CDKL1: variants seen among roughly 807,000 people sequenced by gnomAD.
CDKL1 encodes the protein cyclin dependent kinase like 1.
A neutral mutation model predicts 42.0 loss-of-function variants in CDKL1; 41 were observed. The ratio of observed to expected loss-of-function variants is 0.98; its 90% confidence interval spans 0.76 to 1.27. CDKL1 has a LOEUF of 1.27. CDKL1 is among the 50% of genes most tolerant of loss of function. CDKL1 has a pLI of 0.00. For synonymous variants in CDKL1, 153 were observed against 158.6 expected (o/e 0.96, Z 0.26); for missense variants, 394 against 428.4 (o/e 0.92, Z 0.71).
At chr14:50,373,858 A>G (rs1306294306) in intron 2 of CDKL1, among the ~76,000 whole-genome samples, 4 of 152,200 alleles carry the variant, frequency 2.6e-5, no homozygotes, top group Non-Finnish European at 4.4e-5. Context: ...ACTTTGGAAA[A>G]CAGTTTGGCA....
chr14:50,368,747 C>G (rs901075823), intron 2 of CDKL1, among the ~76,000 whole-genome samples: 3 of 152,138 alleles, frequency 2.0e-5, no homozygotes, highest in African/African-American at 7.2e-5. Flanking sequence ...TGTCGTCAGC[C>G]CTCTGTCTTC....
chr14:50,365,461 A>G (rs1217033309), intron 2 of CDKL1, among the ~76,000 whole-genome samples: 1 of 152,202 alleles, frequency 6.6e-6, no homozygotes, highest in Non-Finnish European at 1.5e-5. Context: ...ATGAGGGGTT[A>G]TAAATATTAA....
chr14:50,380,802 C>CTTTTTTTTTTTTT (rs1555344287), intron 2 of CDKL1, among the ~76,000 whole-genome samples: 1 of 134,604 alleles, frequency 7.4e-6, no homozygotes, highest in African/African-American at 2.7e-5. Context: ...CTGTGACTTC[C>CTTTTTTTTTTTTT]TTTTTTTTTT....
At chr14:50,366,150 A>C (rs911512650) in intron 2 of CDKL1, among the ~76,000 whole-genome samples, 3 of 152,120 alleles carry the variant, frequency 2.0e-5, no homozygotes, top group Non-Finnish European at 4.4e-5. Flanking sequence ...TAATATAAGC[A>C]CCTACTCTGC....
intron 5 of CDKL1, among the ~76,000 whole-genome samples, chr14:50,341,441 T>C (rs999968580): frequency 9.7e-6 from 1 of 103,492 alleles, no homozygotes; most frequent in Non-Finnish European, 1.8e-5. Context: ...TAAAACAGAA[T>C]CCCTGGGGAG....
At position 50,341,469 on chromosome 14, in the gene CDKL1, G is replaced by T. The variant is rs1468643656; in HGVS notation, c.455-237C>A. On this transcript the variant is annotated intron_variant, in intron 5 of 9. Transcript: ENST00000395834. ...CTGGGGAGGGTCTGGGGGGGGGGGGGGGGTTATTTGGCTTAGAATTTAAAG... is the reference window on the plus strand; with the variant it reads ...CTGGGGAGGGTCTGGGGGGGGGGGGTGGGTTATTTGGCTTAGAATTTAAAG... Among the ~76,000 whole-genome samples, 25 of 133,444 alleles carry T rather than the reference G, an allele frequency of 1.9e-4. No homozygotes were observed. In the South Asian group the frequency reaches 3.9e-3, roughly 21 times the overall value. 87.5% of individuals were successfully genotyped at this position (133,444 alleles called of 152,430 possible).
chr14:50,358,172 C>G (rs761371888), intron 3 of CDKL1: 1 of 1,295,680 alleles, frequency 7.7e-7, no homozygotes, highest in Non-Finnish European at 1.0e-6. Flanking sequence ...GTAAGATCAG[C>G]GGAGCCCCCG....
chr14:50,391,682 C>T (rs1396860429), intron 2 of CDKL1, among the ~76,000 whole-genome samples: 1 of 152,138 alleles, frequency 6.6e-6, no homozygotes, highest in African/African-American at 2.4e-5. Flanking sequence ...CATGCCTGGC[C>T]TAAATTGTCT....
chr14:50,332,382 C>G lies in CDKL1; in HGVS notation c.846G>C (p.Leu282Phe), dbSNP rs374375430. Residue 282 changes from leucine to phenylalanine, a missense_variant, in exon 9 of 10, where the codon TTG (leucine) becomes TTC (phenylalanine). By Grantham distance (22) the Leu-to-Phe change is conservative. Coordinates refer to ENST00000395834, the MANE Select transcript of CDKL1 (RefSeq NM_004196.7). ...TGATGTTTTCAAAATATGGGTGATG[C>G]AACAGCTGTTCACATGTCAGCCTTT... is the stretch of plus-strand genomic sequence containing the variant. ...PTQRLTCEQLLHHPYFENIRE... is the reference protein window; with the variant it reads ...PTQRLTCEQLFHHPYFENIRE... The G allele has an allele frequency of 3.7e-6, 6 of 1,614,174 alleles. No homozygotes were observed. The highest frequency in any genetic ancestry group is 2.7e-5 in the African/African-American group (2 of 75,050).
Position 50,395,689 on chromosome 14 carries a change from T to G in CDKL1, c.168+12A>C. The G allele has an allele frequency of 6.4e-7, 1 of 1,572,926 alleles. No individual in the cohort carries two copies. The highest frequency in any genetic ancestry group is 8.7e-7 in the Non-Finnish European group (1 of 1,147,798). ...CTCGAAAAAGAAAAAAAAGGAAAAG[T>G]GAATCAATTACCTTGAGCATTCGGA... On this transcript the variant is annotated intron_variant, in intron 2 of 9. Coordinates refer to ENST00000395834, the MANE Select transcript of CDKL1 (RefSeq NM_004196.7).
intron 8 of CDKL1, chr14:50,333,572 T>A (rs1306716457): frequency 6.6e-6 from 1 of 152,196 alleles, no homozygotes; most frequent in Non-Finnish European, 1.5e-5. Flanking sequence ...ACTGTAAGTA[T>A]ACTCAGTTGA....
intron 7 of CDKL1, among the ~76,000 whole-genome samples, chr14:50,335,077 C>T (rs1219175953): frequency 6.6e-6 from 1 of 151,066 alleles, no homozygotes; most frequent in Non-Finnish European, 1.5e-5. Flanking sequence ...GGCTTGAGCC[C>T]AGGAATTTGA....
intron 7 of CDKL1, chr14:50,335,865 A>T: frequency 7.9e-7 from 1 of 1,271,238 alleles, no homozygotes; most frequent in South Asian, 1.5e-5. Context: ...CATACTAATC[A>T]TTGATAAGAG....
At chr14:50,334,688 T>A (rs896083867) in intron 7 of CDKL1, 67 bp from the exon 8 acceptor site, 4 of 997,896 alleles carry the variant, frequency 4.0e-6, no homozygotes, top group Non-Finnish European at 6.4e-6. Flanking sequence ...TCAAATTAAA[T>A]CTTTTGATAG....
intron 7 of CDKL1, among the ~76,000 whole-genome samples, chr14:50,336,414 G>T (rs1348331938): frequency 1.3e-5 from 2 of 152,154 alleles, no homozygotes; most frequent in African/African-American, 2.4e-5. Flanking sequence ...GCACAACTGG[G>T]AATGTCCAGA....
At chr14:50,368,741 G>C (rs140352343) in intron 2 of CDKL1, among the ~76,000 whole-genome samples, 1 of 152,002 alleles carries the variant, frequency 6.6e-6, no homozygotes, top group Admixed American at 6.6e-5. Flanking sequence ...TCTCTGTGTC[G>C]TCAGCCCTCT....
At chr14:50,378,999 G>A (rs1205920393) in intron 2 of CDKL1, among the ~76,000 whole-genome samples, 7 of 152,094 alleles carry the variant, frequency 4.6e-5, no homozygotes, top group East Asian at 3.9e-4. Context: ...CTACAGGTGC[G>A]CACCATCACA....
chr14:50,375,067 C>T lies in CDKL1; in HGVS notation c.169-15918G>A, dbSNP rs536965380. 9.9e-5 allele frequency among the ~76,000 whole-genome samples: 15 copies of T among 152,146 alleles called. No homozygotes were observed. In the South Asian group the frequency reaches 2.7e-3, roughly 27 times the overall value. On this transcript the variant is annotated intron_variant, in intron 2 of 9. Coordinates refer to ENST00000395834, the MANE Select transcript of CDKL1 (RefSeq NM_004196.7). The stretch of plus-strand genomic sequence containing the variant: ...CATGTATACCTATGGAACAAACCCA[C>T]ACATTCTGCACATGTATCCCGGAAC...
intron 2 of CDKL1, chr14:50,378,147 C>A: frequency 1.5e-6 from 2 of 1,363,472 alleles, no homozygotes; most frequent in Non-Finnish European, 9.8e-7. Flanking sequence ...CAACTCAGTT[C>A]CATTGCTGTA....
Sources: gnomAD v4.1 joint callset for allele counts (sites outside exome capture counted in the v4.1 genomes callset) on GRCh38, gnomAD v4.1.1 for gene constraint, MANE v1.5 for transcripts, NCBI Gene and HGNC (gene_info 2026-07-23, HGNC 2026-07-21) for gene names.